Variants in GRIN2B observed in about 807,000 individuals in gnomAD.
The protein encoded by GRIN2B is glutamate receptor ionotropic, NMDA 2B.
In GRIN2B, 5 loss-of-function variants were observed where a neutral mutation model predicts 114.5. The observed-to-expected ratio is 0.04, with a 90% confidence interval of 0.02 to 0.09. The LOEUF is 0.09. Ranked by LOEUF, GRIN2B falls within the 10% of genes least tolerant of loss-of-function variation. GRIN2B has a pLI of 1.00. For missense variants in GRIN2B, 1,108 were observed against 1,943.5 expected (o/e 0.57, Z 8.08); for synonymous variants, 787 against 745.1 (o/e 1.06, Z -0.92).
At position 13,553,595 on chromosome 12, in the gene GRIN2B, G is replaced by A. The variant is rs537465722; in HGVS notation, c.*9188C>T. 6.6e-6 allele frequency: 1 copy of A among 152,300 alleles called. No individual in the cohort carries two copies. Among genetic ancestry groups the A allele is most frequent in the Middle Eastern group, 3.4e-3 (1 of 294 alleles). The allele number at this position is 152,300 out of a possible 1,614,324, so 9.4% of individuals were successfully genotyped here. On this transcript the variant is annotated 3_prime_UTR_variant, in exon 14 of 14. Transcript: ENST00000609686. ...GTGGTGAAATACAGTGGTCCTGTTG[G>A]ACCACCACCTGGGGTCTACAAGGCT...
chr12:13,974,652 T>C (rs1162865146), intron 2 of GRIN2B, among the ~76,000 whole-genome samples: 1 of 152,072 alleles, frequency 6.6e-6, no homozygotes, highest in Non-Finnish European at 1.5e-5. Flanking sequence ...CCCTCCTCAC[T>C]CTCCCAGATT....
intron 10 of GRIN2B, 64 bp downstream of exon 10, chr12:13,608,539 A>G: frequency 1.6e-6 from 2 of 1,213,384 alleles, no homozygotes; most frequent in Non-Finnish European, 2.4e-6. Context: ...GGTACATGAG[A>G]ACTTTGAGTA....
At chr12:13,863,159 G>A (rs1188327331) in intron 3 of GRIN2B, among the ~76,000 whole-genome samples, 1 of 152,184 alleles carries the variant, frequency 6.6e-6, no homozygotes, top group Non-Finnish European at 1.5e-5. Context: ...TGACCTAGAA[G>A]AATTCACTTT....
chr12:13,787,091 T>G (rs1322481170), intron 3 of GRIN2B, among the ~76,000 whole-genome samples: 3 of 152,184 alleles, frequency 2.0e-5, no homozygotes, highest in African/African-American at 4.8e-5. Flanking sequence ...TTTAAAATTG[T>G]TTTTTCTTAA....
intron 4 of GRIN2B, among the ~76,000 whole-genome samples, chr12:13,734,634 T>C (rs1426562448): frequency 6.6e-6 from 1 of 152,178 alleles, no homozygotes. Flanking sequence ...CAATAGAAAA[T>C]GTTTGTGTCT....
intron 3 of GRIN2B, among the ~76,000 whole-genome samples, chr12:13,776,118 T>C (rs1863998079): frequency 6.6e-6 from 1 of 152,194 alleles, no homozygotes; most frequent in South Asian, 2.1e-4. Context: ...GAGATCATGT[T>C]CTTGGCAAGG....
chr12:13,717,549 C>A (rs899676676), intron 4 of GRIN2B, among the ~76,000 whole-genome samples: 1 of 151,892 alleles, frequency 6.6e-6, no homozygotes, highest in Admixed American at 6.6e-5. Context: ...TACAATAGGG[C>A]TCCTGGCACA....
chr12:13,696,464 T>C (rs1204200576), intron 4 of GRIN2B, among the ~76,000 whole-genome samples: 1 of 152,162 alleles, frequency 6.6e-6, no homozygotes, highest in African/African-American at 2.4e-5. Context: ...CACACCCTGA[T>C]GTCCTCTCAA....
intron 10 of GRIN2B, among the ~76,000 whole-genome samples, chr12:13,575,667 T>A (rs1156833479): frequency 6.8e-6 from 1 of 146,634 alleles, no homozygotes; most frequent in Non-Finnish European, 1.5e-5. Context: ...TCCAAAATGA[T>A]AACAACAATA....
intron 3 of GRIN2B, among the ~76,000 whole-genome samples, chr12:13,818,925 A>C (rs1054824583): frequency 2.0e-5 from 3 of 152,244 alleles, no homozygotes; most frequent in African/African-American, 4.8e-5. Context: ...CTACAGCCAC[A>C]TAACCTCGAA....
chr12:13,968,956 C>T (rs1337071236), intron 2 of GRIN2B, among the ~76,000 whole-genome samples: 1 of 152,198 alleles, frequency 6.6e-6, no homozygotes, highest in African/African-American at 2.4e-5. Flanking sequence ...ATTACATGAT[C>T]AGAGAGAAGT....
intron 2 of GRIN2B, among the ~76,000 whole-genome samples, chr12:13,876,192 T>C (rs1175531634): frequency 1.3e-5 from 2 of 152,208 alleles, no homozygotes; most frequent in Non-Finnish European, 2.9e-5. Context: ...AACCTGGCTT[T>C]GACACTTATC....
chr12:13,885,559 C>T (rs1858497967), intron 2 of GRIN2B, among the ~76,000 whole-genome samples: 1 of 152,292 alleles, frequency 6.6e-6, no homozygotes, highest in African/African-American at 2.4e-5. Context: ...TCCCTCACTG[C>T]CCCTGCCTAT....
At chr12:13,642,488 A>C (rs543779335) in intron 5 of GRIN2B, among the ~76,000 whole-genome samples, 1 of 152,082 alleles carries the variant, frequency 6.6e-6, no homozygotes, top group East Asian at 1.9e-4. Context: ...AGATCCAAGA[A>C]GCTATGACTC....
intron 2 of GRIN2B, among the ~76,000 whole-genome samples, chr12:13,960,251 C>T (rs189461045): frequency 6.6e-6 from 1 of 152,168 alleles, no homozygotes; most frequent in Admixed American, 6.5e-5. Context: ...TTATAATATG[C>T]CAGGTACTGT....
Position 13,548,490 on chromosome 12 carries a change from C to T in GRIN2B, c.*14293G>A, listed in dbSNP as rs1184873770. ...CTGCTATTTTCCCACCTCCCCCCCC[C>T]GATGAATATAGGTGTAGCAGAAGAC... On this transcript the variant is annotated 3_prime_UTR_variant, in exon 14 of 14. Coordinates refer to ENST00000609686, the MANE Select transcript of GRIN2B (RefSeq NM_000834.5). 3 of 145,868 alleles carry T rather than the reference C, an allele frequency of 2.1e-5. No individual in the cohort carries two copies. The highest frequency in any genetic ancestry group is 2.3e-4 in the South Asian group (1 of 4,376). 9.0% of individuals were successfully genotyped at this position (145,868 alleles called of 1,614,324 possible).
At chr12:13,854,244 G>A (rs1428823633) in intron 3 of GRIN2B, among the ~76,000 whole-genome samples, 1 of 152,142 alleles carries the variant, frequency 6.6e-6, no homozygotes, top group Non-Finnish European at 1.5e-5. Flanking sequence ...AGAAGCAGTG[G>A]CTCAGGCCTA....
chr12:13,762,432 A>C (rs533418251), intron 3 of GRIN2B, among the ~76,000 whole-genome samples: 1 of 152,384 alleles, frequency 6.6e-6, no homozygotes, highest in East Asian at 1.9e-4. Context: ...AGCAGAGTTA[A>C]GTGCAAGCCA....
chr12:13,676,662 C>T (rs1950077270), intron 4 of GRIN2B, among the ~76,000 whole-genome samples: 1 of 152,088 alleles, frequency 6.6e-6, no homozygotes, highest in Non-Finnish European at 1.5e-5. Context: ...CAACTTTCTG[C>T]TAACAGAGGT....
Sources: gnomAD v4.1 joint callset for allele counts (sites outside exome capture counted in the v4.1 genomes callset) on GRCh38, gnomAD v4.1.1 for gene constraint, MANE v1.5 for transcripts, NCBI Gene and HGNC (gene_info 2026-07-23, HGNC 2026-07-21) for gene names.